The following RIT2 variants were observed in gnomAD, a reference collection of about 807,000 sequenced individuals.
The protein encoded by RIT2 is GTP-binding protein Rit2.
In RIT2, 24 loss-of-function variants were observed where a neutral mutation model predicts 23.7. That is an observed-to-expected ratio of 1.01 (90% CI 0.73 to 1.43). The LOEUF is 1.43. Among genes scored for constraint, RIT2 ranks in the 40% most tolerant of loss-of-function variants. The pLI, the probability that RIT2 is intolerant of heterozygous loss-of-function variation, is 0.00. For synonymous variants in RIT2, 107 were observed against 91.1 expected (o/e 1.17, Z -0.99); for missense variants, 236 against 266.9 (o/e 0.88, Z 0.81).
At chr18:42,971,092 T>C (rs1226883092) in intron 3 of RIT2, among the ~76,000 whole-genome samples, 1 of 151,944 alleles carries the variant, frequency 6.6e-6, no homozygotes, top group East Asian at 1.9e-4. Context: ...TAATAATAGC[T>C]TTTCTGTCTA....
At chr18:42,764,112 G>A (rs1913367610) in intron 4 of RIT2, among the ~76,000 whole-genome samples, 1 of 152,210 alleles carries the variant, frequency 6.6e-6, no homozygotes, top group South Asian at 2.1e-4. Context: ...TAATGCTGCA[G>A]AGAAGATTAA....
chr18:43,025,951 A>C (rs1911707364), intron 2 of RIT2, among the ~76,000 whole-genome samples: 1 of 152,158 alleles, frequency 6.6e-6, no homozygotes, highest in South Asian at 2.1e-4. Context: ...TCCATGAAAC[A>C]AAACTGCATT....
intron 4 of RIT2, among the ~76,000 whole-genome samples, chr18:42,864,560 TTCA>T (rs1278814228): frequency 3.3e-5 from 5 of 152,316 alleles, no homozygotes; most frequent in Admixed American, 6.5e-5. Flanking sequence ...AAACTCTGTC[TTCA>T]TCATTTTGGC....
At chr18:42,890,293 A>T (rs1401009708) in intron 4 of RIT2, among the ~76,000 whole-genome samples, 2 of 152,128 alleles carry the variant, frequency 1.3e-5, no homozygotes, top group African/African-American at 4.8e-5. Context: ...AATTCCAAAC[A>T]GAAATTGTCA....
At chr18:42,789,287 C>A (rs1913989675) in intron 4 of RIT2, among the ~76,000 whole-genome samples, 1 of 152,152 alleles carries the variant, frequency 6.6e-6, no homozygotes, top group Non-Finnish European at 1.5e-5. Context: ...CTAAACAGGT[C>A]TTGATTATCA....
chr18:42,780,056 T>TTTTTG (rs1291968312), intron 4 of RIT2, among the ~76,000 whole-genome samples: 4 of 131,978 alleles, frequency 3.0e-5, no homozygotes, highest in African/African-American at 1.1e-4. Flanking sequence ...GGTTTTTTTT[T>TTTTTG]TTTTTTTTTT....
intron 1 of RIT2, among the ~76,000 whole-genome samples, chr18:43,114,669 T>A (rs189414140): frequency 1.7e-3 from 253 of 152,328 alleles, no homozygotes; most frequent in Admixed American, 1.9e-3. Flanking sequence ...TCTATTTTTT[T>A]AATTTTTTTA....
intron 1 of RIT2, among the ~76,000 whole-genome samples, chr18:43,095,120 C>G (rs1913520966): frequency 6.6e-6 from 1 of 152,014 alleles, no homozygotes; most frequent in African/African-American, 2.4e-5. Flanking sequence ...AGTTCTAGAT[C>G]CTTGAGGAAT....
At chr18:42,795,858 C>T (rs1433902660) in intron 4 of RIT2, among the ~76,000 whole-genome samples, 1 of 152,214 alleles carries the variant, frequency 6.6e-6, no homozygotes, top group East Asian at 1.9e-4. Context: ...TCTAGCTACT[C>T]TGGTGGGGCC....
At chr18:42,865,279 T>A (rs1158452673) in intron 4 of RIT2, among the ~76,000 whole-genome samples, 3 of 152,174 alleles carry the variant, frequency 2.0e-5, no homozygotes, top group African/African-American at 7.2e-5. Context: ...TGGGCCTCAG[T>A]CCACTTACTT....
chr18:43,096,473 A>G (rs1190672538), intron 1 of RIT2, among the ~76,000 whole-genome samples: 2 of 151,866 alleles, frequency 1.3e-5, no homozygotes, highest in Middle Eastern at 3.2e-3. Flanking sequence ...TCATTTCAGG[A>G]GAAAATATGT....
chr18:43,043,209 A>C (rs1361825406), intron 1 of RIT2, among the ~76,000 whole-genome samples: 1 of 152,136 alleles, frequency 6.6e-6, no homozygotes, highest in Non-Finnish European at 1.5e-5. Context: ...CCTTGAAGGA[A>C]CAATTTAACA....
intron 2 of RIT2, among the ~76,000 whole-genome samples, chr18:42,991,996 G>A (rs747030771): frequency 1.3e-5 from 2 of 151,424 alleles, no homozygotes; most frequent in Non-Finnish European, 2.9e-5. Flanking sequence ...TCTGCACCCC[G>A]ACCTCTTATG....
intron 1 of RIT2, among the ~76,000 whole-genome samples, chr18:43,038,038 A>G (rs1054239651): frequency 1.1e-4 from 17 of 151,712 alleles, no homozygotes; most frequent in African/African-American, 4.1e-4. Flanking sequence ...CCCCATCTTT[A>G]CTAAAAATAA....
At chr18:43,017,674 C>T (rs1911504659) in intron 2 of RIT2, among the ~76,000 whole-genome samples, 1 of 152,102 alleles carries the variant, frequency 6.6e-6, no homozygotes, top group South Asian at 2.1e-4. Context: ...CTAAGCACTT[C>T]ACATTTATTA....
intron 2 of RIT2, among the ~76,000 whole-genome samples, chr18:43,006,733 A>C (rs1385508543): frequency 6.6e-6 from 1 of 151,672 alleles, no homozygotes; most frequent in Admixed American, 6.6e-5. Flanking sequence ...CAAAATATTA[A>C]TAATAGTAAC....
intron 1 of RIT2, among the ~76,000 whole-genome samples, chr18:43,096,008 G>A (rs1335546125): frequency 6.6e-6 from 1 of 151,832 alleles, no homozygotes; most frequent in African/African-American, 2.4e-5. Flanking sequence ...ACTTTGCAAA[G>A]GTGTTAATAA....
chr18:43,080,179 C>T lies in RIT2; in HGVS notation c.103+35238G>A, dbSNP rs151041413. Among the ~76,000 whole-genome samples the T allele has an allele frequency of 6.9e-3, 1,058 of 152,276 alleles. 18 individuals are homozygous for T. Among genetic ancestry groups the T allele is most frequent in the African/African-American group, 0.025 (1,018 of 41,542 alleles). ...ATTCAGTTCCTACCCTGTGCCAGGCCGCTTTCCTCTGTTAGAGAATGTATG... is the reference window on the plus strand; with the variant it reads ...ATTCAGTTCCTACCCTGTGCCAGGCTGCTTTCCTCTGTTAGAGAATGTATG... On this transcript the variant is annotated intron_variant, in intron 1 of 4. Transcript: ENST00000326695.
intron 4 of RIT2, among the ~76,000 whole-genome samples, chr18:42,818,080 G>A (rs935348260): frequency 8.6e-5 from 13 of 151,908 alleles, no homozygotes; most frequent in Admixed American, 8.5e-4. Context: ...ATTAAAAAGA[G>A]TAATCATGTC....
Sources: gnomAD v4.1 joint callset for allele counts (sites outside exome capture counted in the v4.1 genomes callset) on GRCh38, gnomAD v4.1.1 for gene constraint, MANE v1.5 for transcripts, NCBI Gene and HGNC (gene_info 2026-07-23, HGNC 2026-07-21) for gene names.